Variants in MAGI2 observed in about 807,000 individuals in gnomAD.
MAGI2 encodes membrane-associated guanylate kinase, WW and PDZ domain-containing protein 2.
Under a neutral mutation model 133.3 loss-of-function variants are expected in MAGI2, and 35 were observed. That is an observed-to-expected ratio of 0.26 (90% CI 0.20 to 0.35). The LOEUF is 0.35. Ranked by LOEUF, MAGI2 falls within the 10% of genes least tolerant of loss-of-function variation. MAGI2 has a pLI of 1.00. For missense variants in MAGI2, 1,636 were observed against 1,863.4 expected, an observed-to-expected ratio of 0.88 and a Z score of 2.25; for synonymous variants, 729 against 710.6, an observed-to-expected ratio of 1.03 and a Z score of -0.41.
chr7:79,208,939 A>G (rs2129552494), intron 1 of MAGI2, among the ~76,000 whole-genome samples: 1 of 152,192 alleles, frequency 6.6e-6, no homozygotes, highest in Admixed American at 6.5e-5. Flanking sequence ...CAAATATTAC[A>G]TGATCTTACT....
chr7:79,183,953 A>G (rs1055416813), intron 1 of MAGI2, among the ~76,000 whole-genome samples: 1 of 151,682 alleles, frequency 6.6e-6, no homozygotes, highest in African/African-American at 2.4e-5. Context: ...ATAGAAGTAG[A>G]GAGTAGAATG....
chr7:78,184,885 A>G (rs1406833837), intron 13 of MAGI2, among the ~76,000 whole-genome samples: 2 of 152,220 alleles, frequency 1.3e-5, no homozygotes, highest in Non-Finnish European at 2.9e-5. Flanking sequence ...CATGGTTTAA[A>G]AAAATTAAGT....
At chr7:78,600,064 C>T (rs1028417121) in intron 3 of MAGI2, among the ~76,000 whole-genome samples, 5 of 152,028 alleles carry the variant, frequency 3.3e-5, no homozygotes, top group African/African-American at 1.2e-4. Flanking sequence ...TGTTCTTGGT[C>T]TTTTTTTCTT....
At chr7:78,044,711 G>A (rs62461165) in intron 21 of MAGI2, among the ~76,000 whole-genome samples, 8,895 of 151,806 alleles carry the variant, frequency 0.059, 324 homozygotes, top group South Asian at 0.078. Context: ...GTGTGCACGT[G>A]TGCACACGCA....
At chr7:79,430,706 T>C (rs1847719826) in intron 1 of MAGI2, among the ~76,000 whole-genome samples, 1 of 152,142 alleles carries the variant, frequency 6.6e-6, no homozygotes, top group African/African-American at 2.4e-5. Context: ...GCTTATAACC[T>C]CTACTTTTTC....
At chr7:79,325,904 C>T (rs534268064) in intron 1 of MAGI2, among the ~76,000 whole-genome samples, 1 of 152,206 alleles carries the variant, frequency 6.6e-6, no homozygotes, top group South Asian at 2.1e-4. Flanking sequence ...ATTGTGAAAA[C>T]TCAACAACAT....
At chr7:79,413,866 A>T (rs1723021706) in intron 1 of MAGI2, 1 of 152,166 alleles carries the variant, frequency 6.6e-6, no homozygotes. Flanking sequence ...CCGGGTCTGC[A>T]TCTATACCAC....
intron 11 of MAGI2, among the ~76,000 whole-genome samples, chr7:78,200,504 T>C (rs944877092): frequency 1.3e-5 from 2 of 152,184 alleles, no homozygotes; most frequent in African/African-American, 4.8e-5. Flanking sequence ...AAGCACCATT[T>C]TGAGTGCTTG....
rs1826223034 is a variant in MAGI2 at position 78,779,305 on chromosome 7, C to G, written c.419-152066G>C. Among the ~76,000 whole-genome samples the G allele has an allele frequency of 2.0e-5, 3 of 152,116 alleles. No individual in the cohort carries two copies. In the South Asian group the frequency reaches 6.2e-4, roughly 32 times the overall value. On this transcript the variant is annotated intron_variant, in intron 2 of 21. Coordinates refer to ENST00000354212, the MANE Select transcript of MAGI2 (RefSeq NM_012301.4). Reference sequence around the variant, plus strand: ...GTGTCACCTGATCTGCCCACATCTCCTTAGTTCACCTGACATTTGCCTGAA... The same window carrying G: ...GTGTCACCTGATCTGCCCACATCTCGTTAGTTCACCTGACATTTGCCTGAA...
chr7:78,489,942 G>A (rs1400956679), intron 5 of MAGI2, 102 bp from the exon 6 acceptor site: 13 of 798,374 alleles, frequency 1.6e-5, no homozygotes, highest in Admixed American at 2.3e-5. Flanking sequence ...AATTGCAATC[G>A]ATACACTTAA....
At chr7:79,373,122 A>C (rs1364994563) in intron 1 of MAGI2, among the ~76,000 whole-genome samples, 2 of 152,096 alleles carry the variant, frequency 1.3e-5, no homozygotes, top group Admixed American at 1.3e-4. Context: ...TAATCTTAAA[A>C]AATCCTATCT....
chr7:78,740,962 T>G (rs1822359547), intron 2 of MAGI2, among the ~76,000 whole-genome samples: 1 of 152,166 alleles, frequency 6.6e-6, no homozygotes, highest in Admixed American at 6.5e-5. Flanking sequence ...CAGAAATTGG[T>G]TACAAGGAAG....
chr7:79,276,820 T>G (rs1835261713), intron 1 of MAGI2, among the ~76,000 whole-genome samples: 1 of 151,986 alleles, frequency 6.6e-6, no homozygotes, highest in Non-Finnish European at 1.5e-5. Flanking sequence ...CAAAAATTGG[T>G]CCAGTGTGGT....
At chr7:78,482,878 T>TACACACACAC (rs3086358) in intron 6 of MAGI2, among the ~76,000 whole-genome samples, 22 of 89,948 alleles carry the variant, frequency 2.4e-4, no homozygotes, top group East Asian at 1.7e-3. Context: ...CACATGGAAC[T>TACACACACAC]ACACACACAC....
At chr7:79,237,020 G>C (rs1434295125) in intron 1 of MAGI2, among the ~76,000 whole-genome samples, 1 of 152,134 alleles carries the variant, frequency 6.6e-6, no homozygotes. Context: ...ACTCCAGCCT[G>C]TATGACTGAA....
At chr7:78,972,997 G>C (rs925104905) in intron 2 of MAGI2, among the ~76,000 whole-genome samples, 1 of 150,960 alleles carries the variant, frequency 6.6e-6, no homozygotes, top group South Asian at 2.1e-4. Flanking sequence ...ACAAATCTGG[G>C]CTATATATTT....
intron 1 of MAGI2, among the ~76,000 whole-genome samples, chr7:79,302,970 A>G (rs1754462166): frequency 6.6e-6 from 1 of 152,224 alleles, no homozygotes; most frequent in Non-Finnish European, 1.5e-5. Flanking sequence ...TTAATTACAC[A>G]TGAGTCATAC....
At chr7:79,340,668 G>GT (rs1431877539) in intron 1 of MAGI2, among the ~76,000 whole-genome samples, 2 of 152,016 alleles carry the variant, frequency 1.3e-5, no homozygotes, top group Non-Finnish European at 2.9e-5. Flanking sequence ...TGGAAGAGTT[G>GT]TTTTTTCCTA....
chr7:78,597,255 AT>A (rs768659595), intron 3 of MAGI2, among the ~76,000 whole-genome samples: 2 of 152,252 alleles, frequency 1.3e-5, no homozygotes, highest in East Asian at 3.9e-4. Context: ...GCATATTCCA[AT>A]TTGAGAAATG....
Sources: gnomAD v4.1 joint callset for allele counts (sites outside exome capture counted in the v4.1 genomes callset) on GRCh38, gnomAD v4.1.1 for gene constraint, MANE v1.5 for transcripts, NCBI Gene and HGNC (gene_info 2026-07-23, HGNC 2026-07-21) for gene names.